PMEPA1: variants seen among roughly 807,000 people sequenced by gnomAD.
PMEPA1 encodes protein TMEPAI.
A neutral mutation model predicts 23.0 loss-of-function variants in PMEPA1; 11 were observed. That is an observed-to-expected ratio of 0.48 (90% CI 0.30 to 0.79). The LOEUF (loss-of-function observed/expected upper bound fraction) is 0.79, where lower values mean the gene tolerates loss of function less well. PMEPA1 is among the 30% of genes least tolerant of loss of function. The probability of loss-of-function intolerance (pLI) is 0.06; values close to 1 mark genes in which losing one functional copy is unlikely to be tolerated. For synonymous variants in PMEPA1, 204 were observed against 166.4 expected (o/e 1.23, Z -1.74); for missense variants, 377 against 390.9 (o/e 0.96, Z 0.30).
upstream of PMEPA1, chr20:57,710,452 T>A (rs780201575): frequency 1.9e-6 from 3 of 1,606,766 alleles, no homozygotes; most frequent in Non-Finnish European, 1.7e-6. Context: ...GCCCCCAAGA[T>A]GGATCACCCA....
At position 57,709,594 on chromosome 20, in the gene PMEPA1, C is replaced by A; in HGVS notation, c.-12G>T. The A allele has an allele frequency of 1.1e-6, 1 of 950,360 alleles. No individual in the cohort carries two copies. Among genetic ancestry groups the A allele is most frequent in the Non-Finnish European group, 1.3e-6 (1 of 797,400 alleles). The allele number at this position is 950,360 out of a possible 1,614,324, so 58.9% of individuals were successfully genotyped here. A position where few individuals can be genotyped will look rare whatever the true frequency, so the allele number is the denominator to read the frequency against. On this transcript the variant is annotated 5_prime_UTR_variant, in exon 1 of 4. Transcript: ENST00000341744. ...ATCAAGCGGTGCATGGACGGCGCGG[C>A]GGCGCGGCGCGGGGCGCGGGGGGCT...
At chr20:57,684,199 C>T (rs1432149556) in intron 1 of PMEPA1, among the ~76,000 whole-genome samples, 2 of 150,354 alleles carry the variant, frequency 1.3e-5, no homozygotes, top group East Asian at 2.0e-4. Flanking sequence ...TTGATGACTG[C>T]GGGAGGGGAG....
intron 1 of PMEPA1, among the ~76,000 whole-genome samples, chr20:57,698,059 A>G (rs953836927): frequency 2.0e-5 from 3 of 152,186 alleles, no homozygotes; most frequent in Admixed American, 1.3e-4. Context: ...CATTCTCTGC[A>G]TCTGTGGCTT....
In PMEPA1 at chr20:57,710,008, G is replaced by T; in HGVS notation, c.-426C>A. On this transcript the variant is annotated 5_prime_UTR_variant, in exon 1 of 4. Coordinates refer to ENST00000341744, the MANE Select transcript of PMEPA1 (RefSeq NM_020182.5). ...AGACCGCGGTCGGAGGCAGGCAGAC[G>T]GTCTGACGTCAGCGCTAGACGGGGC... is the stretch of plus-strand genomic sequence containing the variant. 3 of 993,162 alleles carry T rather than the reference G, an allele frequency of 3.0e-6. No individual in the cohort carries two copies. Among genetic ancestry groups the T allele is most frequent in the Non-Finnish European group, 3.6e-6 (3 of 835,182 alleles). 61.5% of individuals were successfully genotyped at this position (993,162 alleles called of 1,614,324 possible). A position where few individuals can be genotyped will look rare whatever the true frequency, so the allele number is the denominator to read the frequency against.
chr20:57,660,829 C>T (rs1005207133), intron 1 of PMEPA1, among the ~76,000 whole-genome samples: 10 of 151,994 alleles, frequency 6.6e-5, no homozygotes, highest in African/African-American at 2.2e-4. Flanking sequence ...CACTCCTACA[C>T]ACACGTCAAC....
chr20:57,653,203 A>C, intron 2 of PMEPA1, 117 bp from the exon 3 acceptor site: 1 of 837,780 alleles, frequency 1.2e-6, no homozygotes. Flanking sequence ...GAACCCGCCC[A>C]CCTCTCTGCA....
chr20:57,677,333 A>C (rs1212898964), intron 1 of PMEPA1, among the ~76,000 whole-genome samples: 1 of 152,196 alleles, frequency 6.6e-6, no homozygotes, highest in Non-Finnish European at 1.5e-5. Context: ...CCTGGTGTGT[A>C]GGAAGCACTG....
chr20:57,684,312 T>C (rs1219628024), intron 1 of PMEPA1, among the ~76,000 whole-genome samples: 1 of 151,624 alleles, frequency 6.6e-6, no homozygotes, highest in Non-Finnish European at 1.5e-5. Context: ...GGGGGCAGGG[T>C]GACTTCTCTC....
chr20:57,704,376 G>A lies in PMEPA1; in HGVS notation c.109+5098C>T, dbSNP rs1433253476. The stretch of plus-strand genomic sequence containing the variant: ...TGGTACCATCCTTGTCACTCCAGAG[G>A]GTGCATGAAGAGTAGGTCCGTCTCC... On this transcript the variant is annotated intron_variant, in intron 1 of 3. Transcript: ENST00000341744. The surrounding 1 kb of genome is among the most constrained non-coding windows in gnomAD (Gnocchi z 4.6). Among the ~76,000 whole-genome samples, 1 of 152,096 alleles carries A rather than the reference G, an allele frequency of 6.6e-6. No individual in the cohort carries two copies. Among genetic ancestry groups the A allele is most frequent in the Non-Finnish European group, 1.5e-5 (1 of 68,008 alleles).
chr20:57,681,505 C>T (rs2071713393), intron 1 of PMEPA1, among the ~76,000 whole-genome samples: 1 of 152,214 alleles, frequency 6.6e-6, no homozygotes, highest in Non-Finnish European at 1.5e-5. Flanking sequence ...CTGCCTCTTA[C>T]AAGGGTGGTC....
rs767379982 is a variant in PMEPA1 at position 57,709,969 on chromosome 20, C to A, written c.-387G>T. On this transcript the variant is annotated 5_prime_UTR_variant, in exon 1 of 4. Transcript: ENST00000341744. ...CCTCCTCATTCAAGTCCAAGGAGAT[C>A]GGGTTTCGCTCCGAGACCGCGGTCG... The A allele has an allele frequency of 3.6e-5, 36 of 996,282 alleles. No homozygotes were observed. Among genetic ancestry groups the A allele is most frequent in the Admixed American group, 1.2e-4 (2 of 16,364 alleles). 61.7% of individuals were successfully genotyped at this position (996,282 alleles called of 1,614,324 possible).
intron 1 of PMEPA1, among the ~76,000 whole-genome samples, chr20:57,661,595 A>G (rs1397112438): frequency 6.6e-6 from 1 of 152,220 alleles, no homozygotes; most frequent in African/African-American, 2.4e-5. Flanking sequence ...CCGAGGAACC[A>G]AAGCCGGGGG....
chr20:57,651,933 G>A lies in PMEPA1; in HGVS notation c.*120C>T. On this transcript the variant is annotated 3_prime_UTR_variant, in exon 4 of 4. Transcript: ENST00000341744. ...TAAATATTTATACACAGGGAGGTGGGAGGGGAGGGCCACACGATGCGTTGC... is the reference window on the plus strand; with the variant it reads ...TAAATATTTATACACAGGGAGGTGGAAGGGGAGGGCCACACGATGCGTTGC... 4 of 690,860 alleles carry A rather than the reference G, an allele frequency of 5.8e-6. No homozygotes were observed. The highest frequency in any genetic ancestry group is 9.1e-6 in the Non-Finnish European group (4 of 439,364). The allele number at this position is 690,860 out of a possible 1,614,324, so 42.8% of individuals were successfully genotyped here.
intron 1 of PMEPA1, among the ~76,000 whole-genome samples, chr20:57,708,004 G>A (rs1190581613): frequency 6.6e-6 from 1 of 152,244 alleles, no homozygotes; most frequent in Non-Finnish European, 1.5e-5. Context: ...AGCTAAGGTG[G>A]GGTAGGGGGA....
intron 2 of PMEPA1, among the ~76,000 whole-genome samples, chr20:57,658,519 G>A (rs2071358945): frequency 6.6e-6 from 1 of 152,220 alleles, no homozygotes; most frequent in African/African-American, 2.4e-5. Flanking sequence ...GTAGAGATCT[G>A]TCAGGTGGAT....
At chr20:57,686,557 G>A (rs1249032226) in intron 1 of PMEPA1, among the ~76,000 whole-genome samples, 1 of 152,210 alleles carries the variant, frequency 6.6e-6, no homozygotes, top group Non-Finnish European at 1.5e-5. Flanking sequence ...GTGAAATGGG[G>A]TCTCAACCAC....
chr20:57,689,248 C>T (rs898338053), intron 1 of PMEPA1, among the ~76,000 whole-genome samples: 3 of 152,222 alleles, frequency 2.0e-5, no homozygotes, highest in Non-Finnish European at 4.4e-5. Flanking sequence ...ACTACCCACC[C>T]CCTCTCTTCT....
intron 1 of PMEPA1, among the ~76,000 whole-genome samples, chr20:57,708,155 T>C (rs1256049218): frequency 1.3e-5 from 2 of 152,220 alleles, no homozygotes; most frequent in African/African-American, 4.8e-5. Flanking sequence ...GGCAGCCGCC[T>C]GCGGACACTT....
chr20:57,691,519 G>A (rs1313289338), intron 1 of PMEPA1, among the ~76,000 whole-genome samples: 1 of 152,154 alleles, frequency 6.6e-6, no homozygotes, highest in African/African-American at 2.4e-5. Flanking sequence ...GGCACCACTG[G>A]CACCGCTCCT....
Sources: gnomAD v4.1 joint callset for allele counts (sites outside exome capture counted in the v4.1 genomes callset) on GRCh38, gnomAD v4.1.1 for gene constraint, Gnocchi (gnomAD v3.1) non-coding constraint, MANE v1.5 for transcripts, NCBI Gene and HGNC (gene_info 2026-07-23, HGNC 2026-07-21) for gene names.